Variants in TEX15 observed in about 807,000 individuals in gnomAD.
TEX15 encodes testis expressed 15, meiosis and synapsis associated, also known as testis-expressed protein 15.
TEX15 carries 171 observed loss-of-function variants against 237.3 expected under a neutral mutation model. That is an observed-to-expected ratio of 0.72 (90% CI 0.64 to 0.82). TEX15 has a LOEUF of 0.82. TEX15 is among the 40% of genes least tolerant of loss of function. TEX15 has a pLI of 0.00. For synonymous variants in TEX15, 1,338 were observed against 1,269.8 expected, an observed-to-expected ratio of 1.05 and a Z score of -1.14; for missense variants, 3,750 against 3,646.5, an observed-to-expected ratio of 1.03 and a Z score of -0.73.
In TEX15 at chr8:30,837,366, T is replaced by C. The variant is rs1306105457; in HGVS notation, c.8918A>G (p.Asn2973Ser). 1 of 1,614,176 alleles carries C rather than the reference T, an allele frequency of 6.2e-7. No individual in the cohort carries two copies. Among genetic ancestry groups the C allele is most frequent in the East Asian group, 2.2e-5 (1 of 44,882 alleles). ...DKYMKDTLNP[N>S]TVHTFGASGH... The stretch of plus-strand genomic sequence containing the variant: ...AGATGCTCCAAAAGTATGCACAGTA[T>C]TGGGATTCAATGTATCCTTCATGTA... The change falls in exon 10 of 11, where the codon AAT becomes AGT. Residue 2973 changes from asparagine to serine, a missense_variant. Coordinates refer to ENST00000643185, the MANE Select transcript of TEX15 (RefSeq NM_001350162.2).
chr8:30,897,784 C>T (rs529416289), intron 2 of TEX15, among the ~76,000 whole-genome samples: 1 of 152,220 alleles, frequency 6.6e-6, no homozygotes, highest in East Asian at 1.9e-4. Flanking sequence ...CCTCAGCCTC[C>T]TAAGTAGCTA....
In TEX15 at chr8:30,837,485, G is replaced by A. The variant is rs1807334446; in HGVS notation, c.8799C>T (p.Cys2933=). 5 of 1,613,560 alleles carry A rather than the reference G, an allele frequency of 3.1e-6. No individual in the cohort carries two copies. The highest frequency in any genetic ancestry group is 4.2e-6 in the Non-Finnish European group (5 of 1,179,566). The part of the protein sequence containing the change: ...IVNSSIKNSS[C]MTSPEPICIQ... ...TACAGATGGGTTCTGGAGAAGTCAT[G>A]CATGAGGAATTTTTAATAGATGAAT... Residue 2933 remains cysteine (C), a synonymous_variant, in exon 10 of 11, where the codon TGC becomes TGT. Transcript: ENST00000643185.
chr8:30,859,019 TTGA>T (rs1262744643), intron 6 of TEX15, among the ~76,000 whole-genome samples, 189 bp from the exon 7 acceptor site: 2 of 152,214 alleles, frequency 1.3e-5, no homozygotes, highest in Admixed American at 6.5e-5. Context: ...CAATTTTTTT[TTGA>T]TAGGCTACTA....
chr8:30,904,563 C>G (rs1483664906), intron 1 of TEX15, among the ~76,000 whole-genome samples: 1 of 151,718 alleles, frequency 6.6e-6, no homozygotes, highest in Non-Finnish European at 1.5e-5. Context: ...ACATTTTTAA[C>G]TAGAAATTCA....
rs1585293187 is a variant in TEX15, at chr8:30,858,923, T to C, written c.688-93A>G. On this transcript the variant is annotated intron_variant, in intron 6 of 10. Coordinates refer to ENST00000643185, the MANE Select transcript of TEX15 (RefSeq NM_001350162.2). ...AAAAAATCAATATAATTGCATATTATTTATATACTTCCATATAAACTTCTC... is the reference window on the plus strand; with the variant it reads ...AAAAAATCAATATAATTGCATATTACTTATATACTTCCATATAAACTTCTC... 1.7e-5 allele frequency: 14 copies of C among 827,694 alleles called. No homozygotes were observed. The South Asian group carries it at 3.1e-4, about 18-fold the overall frequency. The allele number at this position is 827,694 out of a possible 1,614,324, so 51.3% of individuals were successfully genotyped here.
At chr8:30,898,626 A>G (rs1808951454) in intron 2 of TEX15, 116 bp downstream of exon 2, 1 of 152,192 alleles carries the variant, frequency 6.6e-6, no homozygotes, top group African/African-American at 2.4e-5. Flanking sequence ...GATAAAAGAC[A>G]CTCTTCATCT....
intron 5 of TEX15, among the ~76,000 whole-genome samples, chr8:30,860,907 C>T (rs1297509392): frequency 6.6e-6 from 1 of 151,494 alleles, no homozygotes; most frequent in South Asian, 2.1e-4. Flanking sequence ...AAGACAAACA[C>T]GAATAGCTCA....
At chr8:30,892,412 A>T (rs1419483136) in intron 2 of TEX15, among the ~76,000 whole-genome samples, 1 of 149,592 alleles carries the variant, frequency 6.7e-6, no homozygotes, top group Non-Finnish European at 1.5e-5. Flanking sequence ...AAACCAGAAG[A>T]AAAAAAAAAC....
intron 3 of TEX15, among the ~76,000 whole-genome samples, chr8:30,876,072 TC>T (rs1484536109): frequency 2.0e-5 from 3 of 152,122 alleles, no homozygotes; most frequent in Non-Finnish European, 2.9e-5. Context: ...AACCTTGGCC[TC>T]CCAAAGTGCT....
At position 30,844,857 on chromosome 8, in the gene TEX15, T is replaced by C; in HGVS notation, c.5310A>G (p.Glu1770=). The C allele has an allele frequency of 6.2e-7, 1 of 1,613,506 alleles. No homozygotes were observed. Among genetic ancestry groups the C allele is most frequent in the Non-Finnish European group, 8.5e-7 (1 of 1,179,580 alleles). ...GGAGGCAATTACCTGAAGAGCACTG[T>C]TCTGTCTTTAGAAGCTCTTTTTCTC... ...SCREKELLKT[E]QCSSGNCLHT... is the part of the protein sequence containing the mutation. The change falls in exon 8 of 11, where the codon GAA becomes GAG. Residue 1770 remains glutamate (E), a synonymous_variant. Coordinates refer to ENST00000643185, the MANE Select transcript of TEX15 (RefSeq NM_001350162.2).
At chr8:30,886,366 C>T (rs1370110708) in intron 3 of TEX15, among the ~76,000 whole-genome samples, 1 of 152,174 alleles carries the variant, frequency 6.6e-6, no homozygotes. Context: ...CCATGGTCCC[C>T]ACTCATCCTC....
At chr8:30,877,188 T>G (rs539661918) in intron 3 of TEX15, among the ~76,000 whole-genome samples, 72 of 152,304 alleles carry the variant, frequency 4.7e-4, no homozygotes, top group Non-Finnish European at 8.5e-4. Context: ...TGACCTTAAA[T>G]GAGAATGCAT....
At position 30,846,359 on chromosome 8, in the gene TEX15, T is replaced by C. The variant is rs529674471; in HGVS notation, c.3808A>G (p.Thr1270Ala). 2.5e-5 allele frequency: 40 copies of C among 1,612,900 alleles called. No individual in the cohort carries two copies. The highest frequency in any genetic ancestry group is 3.2e-5 in the Non-Finnish European group (38 of 1,179,684). ...SLFTEPSNVT[T>A]IDDGSRCFFT... ...AAACATCTGCTTCCATCATCTATTG[T>C]TGTGACATTAGAAGGTTCAGTAAAC... The change falls in exon 8 of 11, where the codon ACA becomes GCA. Residue 1270 changes from threonine to alanine, a missense_variant. By Grantham distance (58) the Thr-to-Ala change is moderately conservative (BLOSUM62 0). Coordinates refer to ENST00000643185, the MANE Select transcript of TEX15 (RefSeq NM_001350162.2).
At chr8:30,859,192 T>C (rs557820885) in intron 6 of TEX15, among the ~76,000 whole-genome samples, 31 of 152,154 alleles carry the variant, frequency 2.0e-4, no homozygotes, top group East Asian at 5.8e-4. Context: ...TGCATGGATA[T>C]ACTTTCATTG....
At chr8:30,896,231 T>C (rs1278315963) in intron 2 of TEX15, among the ~76,000 whole-genome samples, 1 of 152,204 alleles carries the variant, frequency 6.6e-6, no homozygotes, top group Non-Finnish European at 1.5e-5. Flanking sequence ...CCATCCTCTT[T>C]ATATCAAATG....
chr8:30,839,357 G>A (rs968556431), intron 9 of TEX15, among the ~76,000 whole-genome samples: 1 of 152,008 alleles, frequency 6.6e-6, no homozygotes, highest in Non-Finnish European at 1.5e-5. Context: ...AGTATCGTAT[G>A]GGAATTGATG....
intron 4 of TEX15, among the ~76,000 whole-genome samples, chr8:30,873,481 G>GA (rs1406719510): frequency 6.6e-6 from 1 of 152,104 alleles, no homozygotes; most frequent in Non-Finnish European, 1.5e-5. Context: ...ACAGCCTCAT[G>GA]AAACACAGGA....
intron 10 of TEX15, among the ~76,000 whole-genome samples, 172 bp downstream of exon 10, chr8:30,836,631 A>G (rs1284132565): frequency 6.6e-6 from 1 of 152,078 alleles, no homozygotes; most frequent in Non-Finnish European, 1.5e-5. Context: ...AATTTTTGAC[A>G]ACTAGATTTC....
At position 30,841,990 on chromosome 8, in the gene TEX15, T is replaced by C; in HGVS notation, c.8163+14A>G. The C allele has an allele frequency of 6.6e-7, 1 of 1,518,912 alleles. No individual in the cohort carries two copies. 94.1% of individuals were successfully genotyped at this position (1,518,912 alleles called of 1,614,324 possible). A position where few individuals can be genotyped will look rare whatever the true frequency, so the allele number is the denominator to read the frequency against. ...AAGAATACTTATAAAAGTTTTGTTT[T>C]AAAACATACATACCTTTAGCTTTTT... On this transcript the variant is annotated intron_variant, in intron 8 of 10. Coordinates refer to ENST00000643185, the MANE Select transcript of TEX15 (RefSeq NM_001350162.2).
Sources: allele counts gnomAD v4.1 joint callset (sites outside exome capture counted in the v4.1 genomes callset), GRCh38; gene constraint gnomAD v4.1.1; transcripts MANE v1.5; gene names NCBI Gene and HGNC (gene_info 2026-07-23, HGNC 2026-07-21).